Variants in CSTF3 observed in about 807,000 individuals in gnomAD.
The protein encoded by CSTF3 is CF-1 77 kDa subunit.
Under a neutral mutation model 105.8 loss-of-function variants are expected in CSTF3, and 29 were observed. The observed-to-expected ratio is 0.27, with a 90% confidence interval of 0.20 to 0.37. CSTF3 has a LOEUF of 0.37. Ranked by LOEUF, CSTF3 falls within the 10% of genes least tolerant of loss-of-function variation. CSTF3 has a pLI of 1.00. For missense variants in CSTF3, 357 were observed against 879.3 expected (o/e 0.41, Z 7.51); for synonymous variants, 252 against 281.9 (o/e 0.89, Z 1.06).
intron 3 of CSTF3, among the ~76,000 whole-genome samples, chr11:33,115,161 T>C (rs1481684546): frequency 2.0e-5 from 3 of 152,204 alleles, no homozygotes. Context: ...ACATAGACTT[T>C]CCTAGGACTT....
chr11:33,096,453 AT>A, intron 14 of CSTF3, 45 bp from the exon 15 acceptor site: 1 of 1,184,994 alleles, frequency 8.4e-7, no homozygotes, highest in Non-Finnish European at 1.2e-6. Context: ...GAAATGTCAG[AT>A]AAAAAACACT....
intron 1 of CSTF3, among the ~76,000 whole-genome samples, chr11:33,149,383 A>G (rs1480019202): frequency 6.6e-6 from 1 of 152,248 alleles, no homozygotes; most frequent in Non-Finnish European, 1.5e-5. Context: ...GGTTATGGTC[A>G]CATTTAATTC....
In CSTF3 at chr11:33,098,878, C is replaced by T. The variant is rs566699700; in HGVS notation, c.1054-114G>A. On this transcript the variant is annotated intron_variant, in intron 12 of 20. Coordinates refer to ENST00000323959, the MANE Select transcript of CSTF3 (RefSeq NM_001326.3). The stretch of plus-strand genomic sequence containing the variant: ...CACCCCCAATGGCATCTCCATTGAG[C>T]ATAAATATAGTATAAGCTGACAACT... 2.2e-5 allele frequency: 28 copies of T among 1,290,096 alleles called. No homozygotes were observed. The African/African-American group carries it at 3.8e-4, about 17-fold the overall frequency. 79.9% of individuals were successfully genotyped at this position (1,290,096 alleles called of 1,614,324 possible).
chr11:33,158,453 T>C (rs1371674656), intron 1 of CSTF3, among the ~76,000 whole-genome samples: 1 of 152,188 alleles, frequency 6.6e-6, no homozygotes, highest in Non-Finnish European at 1.5e-5. Flanking sequence ...ACCAACAGAA[T>C]TGTGGGTTTT....
chr11:33,155,750 C>G (rs1590291463), intron 1 of CSTF3, among the ~76,000 whole-genome samples: 1 of 152,108 alleles, frequency 6.6e-6, no homozygotes, highest in Non-Finnish European at 1.5e-5. Context: ...CCATTACCAA[C>G]TGTCCAACAA....
At chr11:33,126,954 C>T (rs1307484197) in intron 3 of CSTF3, among the ~76,000 whole-genome samples, 2 of 152,164 alleles carry the variant, frequency 1.3e-5, no homozygotes, top group African/African-American at 4.8e-5. Flanking sequence ...CAATTTTAAA[C>T]AGAGTGGTCA....
At chr11:33,089,274 G>T (rs1272581283) in intron 17 of CSTF3, among the ~76,000 whole-genome samples, 1 of 150,228 alleles carries the variant, frequency 6.7e-6, no homozygotes, top group East Asian at 2.0e-4. Flanking sequence ...TGAGCCCAGG[G>T]AGATCAAGGC....
chr11:33,156,702 TC>T, intron 1 of CSTF3: 1 of 453,878 alleles, frequency 2.2e-6, no homozygotes, highest in South Asian at 1.6e-5. Flanking sequence ...ATGGCTGGAC[TC>T]ACACCTGTAA....
At chr11:33,161,263 A>G in intron 1 of CSTF3, 36 bp downstream of exon 1, 1 of 1,611,560 alleles carries the variant, frequency 6.2e-7, no homozygotes, top group Non-Finnish European at 8.5e-7. Flanking sequence ...CGTGGAGAAG[A>G]GGTCGCCACG....
At chr11:33,109,059 T>C (rs968609402) in intron 3 of CSTF3, among the ~76,000 whole-genome samples, 7 of 152,188 alleles carry the variant, frequency 4.6e-5, no homozygotes, top group African/African-American at 1.4e-4. Context: ...ACTTGGGGAA[T>C]TGCAAAAGAT....
chr11:33,121,196 A>C (rs1419917845), intron 3 of CSTF3, among the ~76,000 whole-genome samples: 1 of 152,094 alleles, frequency 6.6e-6, no homozygotes, highest in Non-Finnish European at 1.5e-5. Flanking sequence ...AATTAAGAAA[A>C]ACAAAGAAAA....
chr11:33,129,338 C>G (rs992138090), intron 3 of CSTF3, among the ~76,000 whole-genome samples: 1 of 151,504 alleles, frequency 6.6e-6, no homozygotes, highest in Non-Finnish European at 1.5e-5. Flanking sequence ...GTGATCTGCC[C>G]GCCTCAGCCT....
In CSTF3 at chr11:33,084,806, C is replaced by T. The variant is rs781651156; in HGVS notation, c.*281G>A. Reference sequence around the variant, plus strand: ...AAAACTCACAAATCTTCAAGCGGCACATACAAGACACCCTTGAAGAGGGAA... The same window carrying T: ...AAAACTCACAAATCTTCAAGCGGCATATACAAGACACCCTTGAAGAGGGAA... On this transcript the variant is annotated 3_prime_UTR_variant, in exon 21 of 21. Transcript: ENST00000323959. 2.4e-6 allele frequency: 1 copy of T among 410,150 alleles called. No homozygotes were observed. Among genetic ancestry groups the T allele is most frequent in the Non-Finnish European group, 4.4e-6 (1 of 226,034 alleles). The allele number at this position is 410,150 out of a possible 1,614,324, so 25.4% of individuals were successfully genotyped here. A position where few individuals can be genotyped will look rare whatever the true frequency, so the allele number is the denominator to read the frequency against.
At chr11:33,090,334 AATTCTCATTTTG>A (rs1276304995) in intron 17 of CSTF3, among the ~76,000 whole-genome samples, 186 bp downstream of exon 17, 2 of 152,194 alleles carry the variant, frequency 1.3e-5, no homozygotes, top group African/African-American at 4.8e-5. Context: ...ATCCCATTTC[AATTCTCATTTTG>A]TTCAGCTACT....
rs1303759915 is a variant in CSTF3 at position 33,105,555 on chromosome 11, G to A, written c.585+12C>T. 1 of 1,601,246 alleles carries A rather than the reference G, an allele frequency of 6.2e-7. No homozygotes were observed. Among genetic ancestry groups the A allele is most frequent in the Non-Finnish European group, 8.5e-7 (1 of 1,175,592 alleles). Reference sequence around the variant, plus strand: ...TTGGTTTATAATAAACAACTACTCTGACCTAATTTACCTCTTCATACTTGT... The same window carrying A: ...TTGGTTTATAATAAACAACTACTCTAACCTAATTTACCTCTTCATACTTGT... On this transcript the variant is annotated intron_variant, in intron 8 of 20. Coordinates refer to ENST00000323959, the MANE Select transcript of CSTF3 (RefSeq NM_001326.3).
intron 15 of CSTF3, 63 bp downstream of exon 15, chr11:33,096,243 T>G: frequency 8.8e-7 from 1 of 1,142,548 alleles, no homozygotes; most frequent in Non-Finnish European, 1.2e-6. Context: ...GGAAGAAATC[T>G]AGCAACATAA....
At position 33,084,827 on chromosome 11, in the gene CSTF3, G is replaced by A; in HGVS notation, c.*260C>T. 2.1e-6 allele frequency: 1 copy of A among 487,468 alleles called. No individual in the cohort carries two copies. Among genetic ancestry groups the A allele is most frequent in the East Asian group, 3.7e-5 (1 of 27,268 alleles). The allele number at this position is 487,468 out of a possible 1,614,324, so 30.2% of individuals were successfully genotyped here. A position where few individuals can be genotyped will look rare whatever the true frequency, so the allele number is the denominator to read the frequency against. ...GGCACATACAAGACACCCTTGAAGA[G>A]GGAACAAAATGTGGTTCTGCCACTT... On this transcript the variant is annotated 3_prime_UTR_variant, in exon 21 of 21. Transcript: ENST00000323959.
rs192715270 is a variant in CSTF3 at position 33,110,554 on chromosome 11, T to A, written c.226-2136A>T. Among the ~76,000 whole-genome samples, 218 of 152,300 alleles carry A rather than the reference T, an allele frequency of 1.4e-3. 1 individual carries two copies. The highest frequency in any genetic ancestry group is 5.2e-3 in the African/African-American group (216 of 41,564). On this transcript the variant is annotated intron_variant, in intron 3 of 20. Coordinates refer to ENST00000323959, the MANE Select transcript of CSTF3 (RefSeq NM_001326.3). ...GGATGAATTTAAATCACCAGCTTCC[T>A]AGGTGCAGTTGAGATTATATACAGT...
chr11:33,099,851 C>A lies in CSTF3; in HGVS notation c.827-134G>T, dbSNP rs1855262330. ...TAGAAATAAAAAGCTTTAGTGATTT[C>A]TGGCACCATCATCCATCCAAGTTCC... On this transcript the variant is annotated intron_variant, in intron 10 of 20. Coordinates refer to ENST00000323959, the MANE Select transcript of CSTF3 (RefSeq NM_001326.3). This position sits in a 1 kb window ranked among gnomAD's most constrained non-coding sequence, Gnocchi z 4.1. 2 of 528,246 alleles carry A rather than the reference C, an allele frequency of 3.8e-6. No individual in the cohort carries two copies. The highest frequency in any genetic ancestry group is 5.5e-5 in the South Asian group (2 of 36,416). The allele number at this position is 528,246 out of a possible 1,614,324, so 32.7% of individuals were successfully genotyped here. A position where few individuals can be genotyped will look rare whatever the true frequency, so the allele number is the denominator to read the frequency against.
Sources: allele counts gnomAD v4.1 joint callset (sites outside exome capture counted in the v4.1 genomes callset), GRCh38; gene constraint gnomAD v4.1.1; non-coding constraint Gnocchi (gnomAD v3.1); transcripts MANE v1.5; gene names NCBI Gene and HGNC (gene_info 2026-07-23, HGNC 2026-07-21).